The following SORBS2 variants were observed in gnomAD, a reference collection of about 807,000 sequenced individuals.
The protein encoded by SORBS2 is sorbin and SH3 domain-containing protein 2.
A neutral mutation model predicts 97.7 loss-of-function variants in SORBS2; 46 were observed. That is an observed-to-expected ratio of 0.47 (90% CI 0.37 to 0.60). The LOEUF is 0.60. Among genes scored for constraint, SORBS2 ranks in the 20% least tolerant of loss-of-function variants. The pLI is 0.00. For missense variants in SORBS2, 1,316 were observed against 1,282.3 expected (o/e 1.03, Z -0.40); for synonymous variants, 476 against 473.4 (o/e 1.01, Z -0.07).
At chr4:185,809,811 A>G (rs866043679) in intron 1 of SORBS2, among the ~76,000 whole-genome samples, 2 of 152,172 alleles carry the variant, frequency 1.3e-5, no homozygotes, top group Non-Finnish European at 2.9e-5. Flanking sequence ...GCCACTATCA[A>G]TGCAACAGGC....
chr4:185,674,245 C>T (rs1373583385), intron 4 of SORBS2, among the ~76,000 whole-genome samples: 1 of 152,232 alleles, frequency 6.6e-6, no homozygotes, highest in African/African-American at 2.4e-5. Flanking sequence ...ACCTGTTCCA[C>T]CCACAGCTGT....
chr4:185,877,034 G>C (rs1278208763), intron 1 of SORBS2, among the ~76,000 whole-genome samples: 1 of 152,060 alleles, frequency 6.6e-6, no homozygotes, highest in Non-Finnish European at 1.5e-5. Flanking sequence ...TGGATGATGA[G>C]GCCATAAGTC....
At chr4:185,810,089 C>G (rs982527453) in intron 1 of SORBS2, among the ~76,000 whole-genome samples, 1 of 152,196 alleles carries the variant, frequency 6.6e-6, no homozygotes, top group African/African-American at 2.4e-5. Flanking sequence ...TTTAGCTTTC[C>G]TTTGAATGTT....
In SORBS2 at chr4:185,662,188, A is replaced by G. The variant is rs1482360021; in HGVS notation, c.10T>C (p.Tyr4His). The change falls in exon 5 of 21, where the codon TAT (tyrosine) becomes CAT (histidine). Residue 4 changes from tyrosine (Y) to histidine (H), a missense_variant. By Grantham distance (83) the Tyr-to-His change is moderately conservative. Coordinates refer to the SORBS2 transcript ENST00000284776. Reference sequence around the variant, plus strand: ...GCCGAGGGGGAAAACGGCCTCTGATAGTAACTCATGGGACTCACGGCACCT... The same window carrying G: ...GCCGAGGGGGAAAACGGCCTCTGATGGTAACTCATGGGACTCACGGCACCT... 8 of 1,614,062 alleles carry G rather than the reference A, an allele frequency of 5.0e-6. No individual in the cohort carries two copies. The Admixed American group carries it at 5.0e-5, about 10-fold the overall frequency.
chr4:185,623,273 T>C lies in SORBS2; in HGVS notation c.1856A>G (p.Lys619Arg), dbSNP rs766841648. 1 of 1,614,172 alleles carries C rather than the reference T, an allele frequency of 6.2e-7. No individual in the cohort carries two copies. The highest frequency in any genetic ancestry group is 1.1e-5 in the South Asian group (1 of 91,082). ...ACATTTTGCCTTTTCAGTCTGTTTC[T>C]TAGGAGCCGAATTTTTTTTCCTCCG... The change falls in exon 7 of 15, where the codon AAG becomes AGG. Residue 619 changes from lysine to arginine, a missense_variant. Physicochemically the swap from Lys to Arg is conservative, Grantham distance 26. Coordinates refer to ENST00000418609, the Ensembl canonical transcript of SORBS2. The surrounding 1 kb of genome is among the most constrained non-coding windows in gnomAD (Gnocchi z 6.4).
Position 185,651,286 on chromosome 4 carries a change from A to T in SORBS2, c.91+1376T>A, listed in dbSNP as rs141628890. On this transcript the variant is annotated intron_variant, in intron 2 of 14. Coordinates refer to ENST00000418609, the Ensembl canonical transcript of SORBS2. ...GAACTGAAGCCATTCTATTGTGACC[A>T]CTGGCAATTCTGAGTCAGAAAAGTG... is the stretch of plus-strand genomic sequence containing the variant. Among the ~76,000 whole-genome samples the T allele has an allele frequency of 9.0e-3, 1,369 of 152,324 alleles. 11 individuals carry two copies. The highest frequency in any genetic ancestry group is 0.014 in the Admixed American group (214 of 15,302).
chr4:185,748,273 G>A (rs558971124), intron 2 of SORBS2, among the ~76,000 whole-genome samples: 6 of 152,276 alleles, frequency 3.9e-5, no homozygotes, highest in South Asian at 2.1e-4. Context: ...CTCGGCGTGC[G>A]AGGAGTGCAG....
At chr4:185,624,147 A>T in exon 7 of SORBS2, 2 of 1,613,648 alleles carry the variant, frequency 1.2e-6, no homozygotes, top group Non-Finnish European at 1.7e-6. Context: ...ACGTAGGGGG[A>T]CCCCCACGCC....
intron 8 of SORBS2, among the ~76,000 whole-genome samples, chr4:185,619,194 C>T (rs939170985): frequency 1.3e-5 from 2 of 152,218 alleles, no homozygotes; most frequent in African/African-American, 4.8e-5. Context: ...ACTCTGTCCA[C>T]CAGCCACTCG....
chr4:185,726,661 A>G (rs1223933310), intron 2 of SORBS2, among the ~76,000 whole-genome samples: 1 of 151,446 alleles, frequency 6.6e-6, no homozygotes, highest in Non-Finnish European at 1.5e-5. Flanking sequence ...ACACCACTAG[A>G]CTTGGCTTGA....
intron 4 of SORBS2, among the ~76,000 whole-genome samples, chr4:185,666,507 G>A (rs944736619): frequency 1.3e-5 from 2 of 152,144 alleles, no homozygotes; most frequent in African/African-American, 4.8e-5. Context: ...TTTAGTTTTT[G>A]TATTTGTGAC....
At chr4:185,806,557 A>C (rs867002638) in intron 1 of SORBS2, among the ~76,000 whole-genome samples, 10 of 142,838 alleles carry the variant, frequency 7.0e-5, no homozygotes, top group African/African-American at 1.8e-4. Context: ...TCCCGGGTTC[A>C]CGCCATTCTC....
At chr4:185,913,453 G>A (rs757803781) in intron 1 of SORBS2, among the ~76,000 whole-genome samples, 1 of 152,208 alleles carries the variant, frequency 6.6e-6, no homozygotes, top group Non-Finnish European at 1.5e-5. Flanking sequence ...GATTCGCTGA[G>A]TGATTCTTTC....
At chr4:185,870,534 C>A (rs1047965690) in intron 1 of SORBS2, among the ~76,000 whole-genome samples, 1 of 152,224 alleles carries the variant, frequency 6.6e-6, no homozygotes, top group Non-Finnish European at 1.5e-5. Flanking sequence ...TCTAATGAGA[C>A]CGAACTGCTG....
intron 4 of SORBS2, among the ~76,000 whole-genome samples, chr4:185,637,337 G>A (rs1437932069): frequency 6.6e-6 from 1 of 152,232 alleles, no homozygotes; most frequent in Non-Finnish European, 1.5e-5. Flanking sequence ...ACGGGCCATA[G>A]CACACAGCCT....
At chr4:185,690,484 T>A in intron 2 of SORBS2, 78 bp downstream of exon 4, 1 of 826,672 alleles carries the variant, frequency 1.2e-6, no homozygotes, top group Non-Finnish European at 1.9e-6. Flanking sequence ...ATCAGAAGAG[T>A]GCTAAACTAA....
chr4:185,712,179 C>T (rs183036261), intron 2 of SORBS2, among the ~76,000 whole-genome samples: 4,593 of 152,196 alleles, frequency 0.03, 220 homozygotes, highest in African/African-American at 0.1. Flanking sequence ...CTACCTATAA[C>T]CATGCCCCAC....
intron 5 of SORBS2, among the ~76,000 whole-genome samples, chr4:185,630,344 T>C (rs553796852): frequency 1.3e-5 from 2 of 152,316 alleles, no homozygotes; most frequent in South Asian, 2.1e-4. Context: ...AAGGAATTTA[T>C]AATTAGTTCA....
chr4:185,617,899 G>C (rs1483300854), intron 9 of SORBS2, among the ~76,000 whole-genome samples: 1 of 152,090 alleles, frequency 6.6e-6, no homozygotes, highest in Non-Finnish European at 1.5e-5. Flanking sequence ...AACTATGCTT[G>C]GAATATTTGG....
Sources: gnomAD v4.1 joint callset for allele counts (sites outside exome capture counted in the v4.1 genomes callset) on GRCh38, gnomAD v4.1.1 for gene constraint, Gnocchi (gnomAD v3.1) non-coding constraint, MANE v1.5 for transcripts, NCBI Gene and HGNC (gene_info 2026-07-23, HGNC 2026-07-21) for gene names.